SLC8A3: variants seen among roughly 807,000 people sequenced by gnomAD.
SLC8A3 encodes solute carrier family 8 member A3, also known as sodium/calcium exchanger 3.
A neutral mutation model predicts 65.4 loss-of-function variants in SLC8A3; 37 were observed. The observed-to-expected ratio is 0.57, with a 90% CI of 0.44 to 0.74. The LOEUF is 0.74. SLC8A3 is among the 30% of genes least tolerant of loss of function. The pLI is 0.00. For missense variants in SLC8A3, 1,112 were observed against 1,172.1 expected, an observed-to-expected ratio of 0.95 and a Z score of 0.75; for synonymous variants, 461 against 444.5, an observed-to-expected ratio of 1.04 and a Z score of -0.47.
chr14:70,184,284 A>C (rs1386231040), intron 1 of SLC8A3, among the ~76,000 whole-genome samples: 1 of 152,060 alleles, frequency 6.6e-6, no homozygotes. Flanking sequence ...TCTAAAATGC[A>C]AGTCTGACCT....
At chr14:70,058,345 C>A (rs910523831) in intron 3 of SLC8A3, among the ~76,000 whole-genome samples, 5 of 130,080 alleles carry the variant, frequency 3.8e-5, no homozygotes, top group Admixed American at 7.6e-5. Context: ...GGTTTTATGA[C>A]CTTTCACCTT....
At chr14:70,050,919 G>C (rs1019975419) in intron 5 of SLC8A3, 89 bp downstream of exon 5, 1 of 779,948 alleles carries the variant, frequency 1.3e-6, no homozygotes, top group South Asian at 1.5e-5. Flanking sequence ...AGCCTTCCTA[G>C]GGACTGGCAG....
At chr14:70,130,833 C>G (rs1268872770) in intron 2 of SLC8A3, among the ~76,000 whole-genome samples, 1 of 152,182 alleles carries the variant, frequency 6.6e-6, no homozygotes, top group Non-Finnish European at 1.5e-5. Flanking sequence ...CTGCTGTAGT[C>G]TAGACTTAGA....
At chr14:70,098,829 G>A (rs1348012440) in intron 2 of SLC8A3, among the ~76,000 whole-genome samples, 1 of 152,188 alleles carries the variant, frequency 6.6e-6, no homozygotes, top group Non-Finnish European at 1.5e-5. Flanking sequence ...TGGAGTTCCT[G>A]GTAGTGCTTT....
intron 2 of SLC8A3, among the ~76,000 whole-genome samples, chr14:70,164,300 C>T (rs1002365084): frequency 2.0e-5 from 3 of 152,104 alleles, no homozygotes; most frequent in African/African-American, 7.2e-5. Flanking sequence ...CGTAATACTG[C>T]CTCTAGTTGT....
At chr14:70,050,963 G>A (rs377586910) in intron 5 of SLC8A3, 45 bp downstream of exon 5, 2 of 1,261,628 alleles carry the variant, frequency 1.6e-6, no homozygotes, top group South Asian at 2.4e-5. Flanking sequence ...CCTTCTCAGA[G>A]GTTGCCTGCT....
At chr14:70,096,828 G>GT (rs1321208649) in intron 2 of SLC8A3, among the ~76,000 whole-genome samples, 1 of 152,166 alleles carries the variant, frequency 6.6e-6, no homozygotes, top group Non-Finnish European at 1.5e-5. Context: ...TTGGTCTTTT[G>GT]CGGGATGAGG....
intron 2 of SLC8A3, among the ~76,000 whole-genome samples, chr14:70,093,001 A>G (rs1891909865): frequency 6.6e-6 from 1 of 152,194 alleles, no homozygotes; most frequent in African/African-American, 2.4e-5. Context: ...AAACATTGGC[A>G]TTGTTAGTTC....
rs1894094205 is a variant in SLC8A3 at position 70,121,961 on chromosome 14, A to G, written c.1784+44678T>C. ...AGCTCAGCTGGCAAGAAAAAGGGCCATGGCCCAATATTCACTCCAAATGAT... is the reference window on the plus strand; with the variant it reads ...AGCTCAGCTGGCAAGAAAAAGGGCCGTGGCCCAATATTCACTCCAAATGAT... On this transcript the variant is annotated intron_variant, in intron 2 of 6. Coordinates refer to ENST00000356921, the MANE Select transcript of SLC8A3 (RefSeq NM_182932.3). 2.0e-5 allele frequency among the ~76,000 whole-genome samples: 3 copies of G among 152,282 alleles called. No individual in the cohort carries two copies. In the South Asian group the frequency reaches 6.2e-4, roughly 32 times the overall value.
chr14:70,134,570 C>T (rs371463438), intron 2 of SLC8A3, among the ~76,000 whole-genome samples: 104 of 152,300 alleles, frequency 6.8e-4, no homozygotes, highest in South Asian at 4.6e-3. Flanking sequence ...TTTTGTCATT[C>T]GTTCTGCAAA....
intron 2 of SLC8A3, among the ~76,000 whole-genome samples, chr14:70,141,241 T>G (rs550293319): frequency 3.3e-5 from 5 of 152,346 alleles, no homozygotes; most frequent in Admixed American, 1.3e-4. Context: ...AGCTTATCAT[T>G]GCACAGACTC....
chr14:70,060,854 T>G lies in SLC8A3; in HGVS notation c.1870A>C (p.Met624Leu), dbSNP rs781260718. 1 of 1,500,990 alleles carries G rather than the reference T, an allele frequency of 6.7e-7. No individual in the cohort carries two copies. The highest frequency in any genetic ancestry group is 2.0e-5 in the Admixed American group (1 of 48,786). 93.0% of individuals were successfully genotyped at this position (1,500,990 alleles called of 1,614,324 possible). The part of the protein sequence containing the change: ...FFIALGEPKW[M>L]ERGISDVTDR... ...CTCACACCTGATATTCCACGTTCCATCCATTTCGGTTCACCAAGGGCAATG... is the reference window on the plus strand; with the variant it reads ...CTCACACCTGATATTCCACGTTCCAGCCATTTCGGTTCACCAAGGGCAATG... Residue 624 changes from methionine to leucine, a missense_variant, in exon 3 of 7, where the codon ATG becomes CTG. By Grantham distance (15) the Met-to-Leu change is conservative. Coordinates refer to ENST00000356921, the MANE Select transcript of SLC8A3 (RefSeq NM_182932.3).
chr14:70,136,520 G>C (rs1895212729), intron 2 of SLC8A3, among the ~76,000 whole-genome samples: 1 of 152,122 alleles, frequency 6.6e-6, no homozygotes, highest in Admixed American at 6.5e-5. Context: ...AGAACATAAT[G>C]AGCCCACTCG....
At chr14:70,160,957 T>C (rs546254928) in intron 2 of SLC8A3, among the ~76,000 whole-genome samples, 2 of 150,990 alleles carry the variant, frequency 1.3e-5, no homozygotes, top group Admixed American at 6.6e-5. Flanking sequence ...AAAGTTTACA[T>C]AGCATGGTCG....
At chr14:70,048,599 A>T in intron 6 of SLC8A3, 168 bp downstream of exon 6, 1 of 705,664 alleles carries the variant, frequency 1.4e-6, no homozygotes, top group Non-Finnish European at 2.6e-6. Flanking sequence ...ATTAGCTGTC[A>T]TTACTAATGT....
chr14:70,088,581 T>C (rs1186059079), intron 2 of SLC8A3, among the ~76,000 whole-genome samples: 1 of 152,164 alleles, frequency 6.6e-6, no homozygotes, highest in Non-Finnish European at 1.5e-5. Context: ...AGATAACTTA[T>C]TATAAATCCT....
intron 2 of SLC8A3, among the ~76,000 whole-genome samples, chr14:70,151,109 C>A (rs1411957901): frequency 6.8e-6 from 1 of 147,986 alleles, no homozygotes; most frequent in East Asian, 1.9e-4. Flanking sequence ...AAAAAATTGG[C>A]CAGGCATGGT....
chr14:70,177,059 T>G (rs1897953027), intron 1 of SLC8A3, among the ~76,000 whole-genome samples: 1 of 152,258 alleles, frequency 6.6e-6, no homozygotes, highest in Non-Finnish European at 1.5e-5. Context: ...AGAAGGTTAA[T>G]TTGTTCCAAA....
rs74063889 is a variant in SLC8A3, at chr14:70,140,747, G to A, written c.1784+25892C>T. On this transcript the variant is annotated intron_variant, in intron 2 of 6. Transcript: ENST00000356921. ...CCTTTTCCCTGAAAACTTAGCTCAA[G>A]CTGCACGCTTCTCCTTTGACCTCCT... 5.1e-3 allele frequency among the ~76,000 whole-genome samples: 781 copies of A among 152,296 alleles called. 10 individuals are homozygous for A. The highest frequency in any genetic ancestry group is 0.017 in the African/African-American group (710 of 41,564).
Sources: allele counts gnomAD v4.1 joint callset (sites outside exome capture counted in the v4.1 genomes callset), GRCh38; gene constraint gnomAD v4.1.1; transcripts MANE v1.5; gene names NCBI Gene and HGNC (gene_info 2026-07-23, HGNC 2026-07-21).